The following IFFO1 variants were observed in gnomAD, a reference collection of about 807,000 sequenced individuals.
IFFO1 encodes non-homologous end joining factor IFFO1.
Under a neutral mutation model 59.6 loss-of-function variants are expected in IFFO1, and 42 were observed. The ratio of observed to expected loss-of-function variants is 0.70; its 90% CI spans 0.55 to 0.91. The LOEUF is 0.91. Among genes scored for constraint, IFFO1 ranks in the 40% least tolerant of loss-of-function variants. IFFO1 has a pLI of 0.00. For missense variants in IFFO1, 711 were observed against 793.2 expected (o/e 0.90, Z 1.24); for synonymous variants, 336 against 342.8 (o/e 0.98, Z 0.22).
chr12:6,547,190 G>A lies in IFFO1; in HGVS notation c.1479+875C>T, dbSNP rs796256741. On this transcript the variant is annotated intron_variant, in intron 8 of 9. Coordinates refer to ENST00000619571, the MANE Select transcript of IFFO1 (RefSeq NM_001193457.2). The stretch of plus-strand genomic sequence containing the variant: ...TTTGTGGGGCCGAGTTAGGAGGACT[G>A]CTTGAATCCAGAAGTTTGAGGGCAG... Among the ~76,000 whole-genome samples the A allele has an allele frequency of 3.5e-4, 53 of 152,124 alleles. 1 individual carries two copies. The highest frequency in any genetic ancestry group is 1.2e-3 in the African/African-American group (50 of 41,428).
chr12:6,540,637 A>G, intron 9 of IFFO1, 49 bp from the exon 10 acceptor site: 1 of 1,487,850 alleles, frequency 6.7e-7, no homozygotes, highest in East Asian at 2.3e-5. Context: ...GGAATCCTGA[A>G]GACGGACGGC....
At chr12:6,553,165 G>A (rs1267139467) in intron 1 of IFFO1, among the ~76,000 whole-genome samples, 2 of 152,144 alleles carry the variant, frequency 1.3e-5, no homozygotes, top group South Asian at 4.1e-4. Flanking sequence ...ATGAGGGCAG[G>A]GAATCTAGGG....
chr12:6,550,002 C>T (rs1386636835), intron 3 of IFFO1, 106 bp from the exon 4 acceptor site: 1 of 1,268,330 alleles, frequency 7.9e-7, no homozygotes, highest in African/African-American at 1.5e-5. Context: ...GCACCGGTGC[C>T]TCTTCTGTGG....
At chr12:6,543,275 C>T (rs1035534592) in intron 8 of IFFO1, among the ~76,000 whole-genome samples, 2 of 152,170 alleles carry the variant, frequency 1.3e-5, no homozygotes, top group African/African-American at 4.8e-5. Flanking sequence ...CAGAAGTCCC[C>T]AAACCCCAGG....
chr12:6,548,602 T>TG lies in IFFO1; in HGVS notation c.1263-58dup. ...GCGGGGCCTCGTCCTGGCGGGGGAC[T>TG]GGGGAGCTCCGGCCTCCTGGGCTGC... On this transcript the variant is annotated intron_variant, in intron 6 of 9. Coordinates refer to ENST00000619571, the MANE Select transcript of IFFO1 (RefSeq NM_001193457.2). The surrounding 1 kb of genome is among the most constrained non-coding windows in gnomAD (Gnocchi z 6.1). 3 of 1,613,402 alleles carry TG rather than the reference T, an allele frequency of 1.9e-6. No homozygotes were observed. Among genetic ancestry groups the TG allele is most frequent in the Non-Finnish European group, 2.5e-6 (3 of 1,179,604 alleles).
rs146528092 is a variant in IFFO1 at position 6,541,628 on chromosome 12, C to T, written c.1494G>A (p.Thr498=). The change falls in exon 9 of 10, where the codon ACG becomes ACA. Residue 498 remains threonine, a synonymous_variant. Coordinates refer to ENST00000619571, the MANE Select transcript of IFFO1 (RefSeq NM_001193457.2). This position sits in a 1 kb window ranked among gnomAD's most constrained non-coding sequence, Gnocchi z 4.8. The part of the protein sequence containing the change: ...TIDQIELELA[T]AKNDMNRHLH... The stretch of plus-strand genomic sequence containing the variant: ...GGTGCCGGTTCATGTCGTTCTTGGC[C>T]GTGGCCAACTCCAGCTGTGGTGGGG... 1,450 of 1,614,088 alleles carry T rather than the reference C, an allele frequency of 9.0e-4. 1 individual carries two copies. Among genetic ancestry groups the T allele is most frequent in the South Asian group, 1.3e-3 (114 of 91,084 alleles).
intron 1 of IFFO1, among the ~76,000 whole-genome samples, chr12:6,552,572 C>A (rs1433077757): frequency 6.6e-6 from 1 of 152,170 alleles, no homozygotes; most frequent in Non-Finnish European, 1.5e-5. Context: ...CTGTGGTGCC[C>A]TCATGCGCCG....
chr12:6,551,011 A>G lies in IFFO1; in HGVS notation c.774-10T>C, dbSNP rs777722429. Reference sequence around the variant, plus strand: ...GTACTCCTCTTCCCACCTGACAGACATGGGAAGGGCGGAGAGAGCTTAGGT... The same window carrying G: ...GTACTCCTCTTCCCACCTGACAGACGTGGGAAGGGCGGAGAGAGCTTAGGT... On this transcript the variant is annotated splice_polypyrimidine_tract_variant and intron_variant, in intron 1 of 9. Coordinates refer to ENST00000619571, the MANE Select transcript of IFFO1 (RefSeq NM_001193457.2). 10 of 1,613,662 alleles carry G rather than the reference A, an allele frequency of 6.2e-6. No homozygotes were observed. In the African/African-American group the frequency reaches 1.3e-4, roughly 22 times the overall value.
At chr12:6,545,747 C>A (rs1946932761) in intron 8 of IFFO1, among the ~76,000 whole-genome samples, 1 of 151,934 alleles carries the variant, frequency 6.6e-6, no homozygotes, top group Admixed American at 6.5e-5. Flanking sequence ...CATGAACCCT[C>A]CCTCTGTCCC....
chr12:6,550,478 G>T, intron 3 of IFFO1: 1 of 578,712 alleles, frequency 1.7e-6, no homozygotes, highest in Non-Finnish European at 3.1e-6. Context: ...TGCAACCCCA[G>T]GCCCTCAGAA....
At chr12:6,551,499 A>G (rs1261660866) in intron 1 of IFFO1, 5 of 1,289,150 alleles carry the variant, frequency 3.9e-6, no homozygotes, top group East Asian at 1.1e-4. Flanking sequence ...ACCCTGTAAA[A>G]GCATCTGCAG....
intron 1 of IFFO1, among the ~76,000 whole-genome samples, chr12:6,554,388 GCTTGGTTATCAGCCATCTAAGGAATCCA>G (rs1947352330): frequency 6.6e-6 from 1 of 152,204 alleles, no homozygotes; most frequent in South Asian, 2.1e-4. Flanking sequence ...TGTCCTATCG[GCTTGGTTATCAGCCATCTAAGGAATCCA>G]CTTGGTATAC....
rs748809729 is a variant in IFFO1 at position 6,549,541 on chromosome 12, G to A, written c.1072-57C>T. The A allele has an allele frequency of 5.5e-6, 8 of 1,466,046 alleles. No homozygotes were observed. Among genetic ancestry groups the A allele is most frequent in the Non-Finnish European group, 7.6e-6 (8 of 1,046,156 alleles). 90.8% of individuals were successfully genotyped at this position (1,466,046 alleles called of 1,614,324 possible). Reference sequence around the variant, plus strand: ...AAGAGAGGAGAGGAAGCAGACAGAGGAGAGAGAGGGGGAAGGGAGAGACGG... The same window carrying A: ...AAGAGAGGAGAGGAAGCAGACAGAGAAGAGAGAGGGGGAAGGGAGAGACGG... On this transcript the variant is annotated intron_variant, in intron 4 of 9. Coordinates refer to ENST00000619571, the MANE Select transcript of IFFO1 (RefSeq NM_001193457.2). The surrounding 1 kb of genome is among the most constrained non-coding windows in gnomAD (Gnocchi z 5.0).
rs768820900 is a variant in IFFO1 at position 6,548,413 on chromosome 12, A to G, written c.1383+12T>C. ...AGAGCCAGAGGGCCCTGAGGCCGGGAGCAGAGGTTACCTCTCCCTGGGCCT... is the reference window on the plus strand; with the variant it reads ...AGAGCCAGAGGGCCCTGAGGCCGGGGGCAGAGGTTACCTCTCCCTGGGCCT... On this transcript the variant is annotated intron_variant, in intron 7 of 9. Transcript: ENST00000619571. This position sits in a 1 kb window ranked among gnomAD's most constrained non-coding sequence, Gnocchi z 6.1. The G allele has an allele frequency of 9.4e-6, 15 of 1,603,314 alleles. No homozygotes were observed. The Admixed American group carries it at 2.5e-4, about 27-fold the overall frequency.
chr12:6,555,361 G>A lies in IFFO1; in HGVS notation c.669C>T (p.His223=), dbSNP rs1366817998. Residue 223 remains histidine (H), a synonymous_variant, in exon 1 of 10, where the codon CAC becomes CAT. Coordinates refer to ENST00000619571, the MANE Select transcript of IFFO1 (RefSeq NM_001193457.2). This position sits in a 1 kb window ranked among gnomAD's most constrained non-coding sequence, Gnocchi z 8.6. The part of the protein sequence containing the change: ...LVQGPGLSWV[H]PDGVGVQIDT... The stretch of plus-strand genomic sequence containing the variant: ...CGATCTGGACGCCCACCCCATCCGG[G>A]TGCACCCACGACAAGCCAGGCCCTT... The A allele has an allele frequency of 1.9e-6, 3 of 1,614,030 alleles. No homozygotes were observed. In the African/African-American group the frequency reaches 4.0e-5, roughly 22 times the overall value.
intron 8 of IFFO1, among the ~76,000 whole-genome samples, chr12:6,547,627 G>A (rs1247023576): frequency 6.6e-6 from 1 of 151,930 alleles, no homozygotes; most frequent in African/African-American, 2.4e-5. Context: ...AGGCTGGGGT[G>A]GGAGGATCAC....
chr12:6,550,881 G>A (rs1308299242), intron 2 of IFFO1, 60 bp downstream of exon 2: 18 of 1,603,948 alleles, frequency 1.1e-5, no homozygotes, highest in Non-Finnish European at 1.4e-5. Context: ...CGGCAGCAGG[G>A]TCATGGGCAG....
chr12:6,550,023 A>G, intron 3 of IFFO1, 127 bp from the exon 4 acceptor site: 2 of 1,003,270 alleles, frequency 2.0e-6, no homozygotes, highest in East Asian at 2.6e-5. Context: ...AGTCTCCCTG[A>G]GCTGACTGCA....
Position 6,549,904 on chromosome 12 carries a change from G to C in IFFO1, c.931-8C>G. 6.2e-7 allele frequency: 1 copy of C among 1,611,382 alleles called. No individual in the cohort carries two copies. The highest frequency in any genetic ancestry group is 8.5e-7 in the Non-Finnish European group (1 of 1,178,036). On this transcript the variant is annotated splice_region_variant and splice_polypyrimidine_tract_variant and intron_variant, in intron 3 of 9. Transcript: ENST00000619571. This position sits in a 1 kb window ranked among gnomAD's most constrained non-coding sequence, Gnocchi z 5.0. ...GTCCAGCTCCGACAGGTTCTGTCCA[G>C]GGAGCCCAGGGAACAGTGAGGAGGC...
Sources: allele counts gnomAD v4.1 joint callset (sites outside exome capture counted in the v4.1 genomes callset), GRCh38; gene constraint gnomAD v4.1.1; non-coding constraint Gnocchi (gnomAD v3.1); transcripts MANE v1.5; gene names NCBI Gene and HGNC (gene_info 2026-07-23, HGNC 2026-07-21).